The following SLTM variants were observed in gnomAD, a reference collection of about 807,000 sequenced individuals.
The protein encoded by SLTM is SAFB-like transcription modulator.
In SLTM, 43 loss-of-function variants were observed where a neutral mutation model predicts 134.6. That is an observed-to-expected ratio of 0.32 (90% confidence interval 0.25 to 0.41). The LOEUF (loss-of-function observed/expected upper bound fraction) is 0.41, where lower values mean the gene tolerates loss of function less well. Among genes scored for constraint, SLTM ranks in the 10% least tolerant of loss-of-function variants. The probability of loss-of-function intolerance (pLI) is 1.00; values close to 1 mark genes in which losing one functional copy is unlikely to be tolerated. For synonymous variants in SLTM, 424 were observed against 432.3 expected, an observed-to-expected ratio of 0.98 and a Z score of 0.24; for missense variants, 1,055 against 1,288.8, an observed-to-expected ratio of 0.82 and a Z score of 2.78.
chr15:58,913,759 G>GT (rs2036442405), intron 3 of SLTM, 63 bp from the exon 4 acceptor site: 1 of 1,331,098 alleles, frequency 7.5e-7, no homozygotes. Flanking sequence ...TCCACCAAAC[G>GT]TTTTTGGTAA....
intron 2 of SLTM, among the ~76,000 whole-genome samples, chr15:58,919,407 A>C (rs1387379920): frequency 7.2e-5 from 11 of 152,102 alleles, no homozygotes; most frequent in African/African-American, 2.7e-4. Flanking sequence ...CAGCCCAGGC[A>C]ACACAGTGAG....
intron 2 of SLTM, among the ~76,000 whole-genome samples, chr15:58,918,420 C>T (rs1183436481): frequency 1.3e-5 from 2 of 152,150 alleles, no homozygotes; most frequent in African/African-American, 2.4e-5. Flanking sequence ...TTTCCCTAGT[C>T]TCCTCGGTAG....
At chr15:58,907,619 TCAACAA>T (rs71812823) in intron 5 of SLTM, among the ~76,000 whole-genome samples, 29,766 of 151,586 alleles carry the variant, frequency 0.2, 3,185 homozygotes, top group South Asian at 0.43. Flanking sequence ...AGACCAGGTC[TCAACAA>T]CAACAACAAC....
At chr15:58,895,387 C>T (rs185728389) in intron 9 of SLTM, among the ~76,000 whole-genome samples, 17 of 152,056 alleles carry the variant, frequency 1.1e-4, no homozygotes, top group Admixed American at 7.2e-4. Context: ...GCTTTTAAAA[C>T]GTATATGAAC....
chr15:58,893,797 G>T (rs766222947), intron 12 of SLTM, 24 bp downstream of exon 12: 1 of 1,583,964 alleles, frequency 6.3e-7, no homozygotes, highest in Non-Finnish European at 8.5e-7. Context: ...CATTAGAAAG[G>T]GATTGAAAAG....
Position 58,899,416 on chromosome 15 carries a change from C to G in SLTM, c.1058+53G>C, listed in dbSNP as rs1306121440. 1 of 1,440,122 alleles carries G rather than the reference C, an allele frequency of 6.9e-7. No individual in the cohort carries two copies. The highest frequency in any genetic ancestry group is 1.7e-5 in the Admixed American group (1 of 58,580). The allele number at this position is 1,440,122 out of a possible 1,614,324, so 89.2% of individuals were successfully genotyped here. ...AGCCACCCCCTTAATGTAGAGTGAT[C>G]TTATTGAATGCTGGAATTCAGTATC... On this transcript the variant is annotated intron_variant, in intron 7 of 20. Coordinates refer to ENST00000380516, the MANE Select transcript of SLTM (RefSeq NM_024755.4). This position sits in a 1 kb window ranked among gnomAD's most constrained non-coding sequence, Gnocchi z 5.0.
intron 3 of SLTM, among the ~76,000 whole-genome samples, chr15:58,915,707 GT>G (rs1422522102): frequency 6.6e-6 from 1 of 152,218 alleles, no homozygotes; most frequent in East Asian, 1.9e-4. Context: ...GTGGGGTTGT[GT>G]CTGTGTGTGT....
Position 58,918,915 on chromosome 15 carries a change from C to CTT in SLTM, c.251-1918_251-1917dup, listed in dbSNP as rs566389959. 1.0e-4 allele frequency among the ~76,000 whole-genome samples: 15 copies of CTT among 145,090 alleles called. No homozygotes were observed. In the East Asian group the frequency reaches 1.4e-3, roughly 14 times the overall value. The stretch of plus-strand genomic sequence containing the variant: ...TCCTGAAAAAGAAAACTACTAAATT[C>CTT]TTTTTTTTTTTTTCCTGAGACAAGA... On this transcript the variant is annotated intron_variant, in intron 2 of 20. Transcript: ENST00000380516.
intron 2 of SLTM, among the ~76,000 whole-genome samples, chr15:58,926,060 T>C (rs930026551): frequency 1.3e-5 from 2 of 152,184 alleles, no homozygotes; most frequent in Non-Finnish European, 2.9e-5. Context: ...AAGAATCACC[T>C]GGGGAGCTTT....
At chr15:58,916,873 A>G in intron 3 of SLTM, 62 bp downstream of exon 3, 2 of 1,484,734 alleles carry the variant, frequency 1.3e-6, no homozygotes, top group Non-Finnish European at 1.9e-6. Flanking sequence ...AAAGCACAAA[A>G]TTCATGATGC....
Position 58,887,007 on chromosome 15 carries a change from CTCT to C in SLTM, c.2800_2802del (p.Arg934del), listed in dbSNP as rs746960657. On this transcript the variant is annotated inframe_deletion, in exon 19 of 21. Transcript: ENST00000380516. ...CCACCTCCTCGGTCTGTGATGACTC[CTCT>C]GTCTCCCTCTCTGCTCCCGTACCCC... is the stretch of plus-strand genomic sequence containing the variant. 12 of 1,612,860 alleles carry C rather than the reference CTCT, an allele frequency of 7.4e-6. No homozygotes were observed. In the South Asian group the frequency reaches 1.1e-4, roughly 15 times the overall value.
chr15:58,883,563 G>A (rs1348479690), intron 20 of SLTM, 63 bp downstream of exon 20: 2 of 1,590,586 alleles, frequency 1.3e-6, no homozygotes, highest in African/African-American at 2.7e-5. Context: ...AAACTATAAT[G>A]ACTTTTATGG....
At chr15:58,914,602 G>A (rs2036502962) in intron 3 of SLTM, among the ~76,000 whole-genome samples, 1 of 152,132 alleles carries the variant, frequency 6.6e-6, no homozygotes, top group South Asian at 2.1e-4. Flanking sequence ...TGAAAATGGA[G>A]TACATGGCTG....
intron 14 of SLTM, 134 bp downstream of exon 14, chr15:58,892,763 T>C (rs908798612): frequency 1.1e-6 from 1 of 869,638 alleles, no homozygotes; most frequent in Middle Eastern, 2.8e-4. Flanking sequence ...AAGAAATCAT[T>C]AGATGCTACC....
In SLTM at chr15:58,894,110, ATTT is replaced by A. The variant is rs762322084; in HGVS notation, c.1458_1460del (p.Lys486del). 1.2e-6 allele frequency: 2 copies of A among 1,604,772 alleles called. No homozygotes were observed. Among genetic ancestry groups the A allele is most frequent in the East Asian group, 2.2e-5 (1 of 44,746 alleles). On this transcript the variant is annotated inframe_deletion, in exon 11 of 21. Coordinates refer to ENST00000380516, the MANE Select transcript of SLTM (RefSeq NM_024755.4). ...CTTACTTGCTACTTCTATCACTCGT[ATTT>A]TTTTTATCTCCAGAACTTCTTGAAC...
intron 3 of SLTM, among the ~76,000 whole-genome samples, chr15:58,914,031 C>T (rs1054418163): frequency 6.6e-5 from 10 of 152,102 alleles, no homozygotes; most frequent in Non-Finnish European, 1.2e-4. Context: ...TTTCCATGTG[C>T]CATATGTTGA....
chr15:58,933,315 G>A (rs544301071), intron 1 of SLTM, 89 bp downstream of exon 1: 1 of 1,393,304 alleles, frequency 7.2e-7, no homozygotes, highest in East Asian at 3.0e-5. Context: ...CAGCGGCTGC[G>A]GGCAGCCGGA....
At chr15:58,900,347 G>C (rs1411163709) in intron 6 of SLTM, 3 of 174,124 alleles carry the variant, frequency 1.7e-5, no homozygotes, top group African/African-American at 7.2e-5. Flanking sequence ...GTGACTTCTT[G>C]ACAGGTAACA....
chr15:58,907,856 G>C (rs1439640278), intron 5 of SLTM, among the ~76,000 whole-genome samples: 1 of 152,056 alleles, frequency 6.6e-6, no homozygotes, highest in African/African-American at 2.4e-5. Context: ...CACAATCACA[G>C]TATTGTAATT....
Sources: gnomAD v4.1 joint callset for allele counts (sites outside exome capture counted in the v4.1 genomes callset) on GRCh38, gnomAD v4.1.1 for gene constraint, Gnocchi (gnomAD v3.1) non-coding constraint, MANE v1.5 for transcripts, NCBI Gene and HGNC (gene_info 2026-07-23, HGNC 2026-07-21) for gene names.